SNX30: variants seen among roughly 807,000 people sequenced by gnomAD.
SNX30 encodes the protein sorting nexin-30.
A neutral mutation model predicts 46.4 loss-of-function variants in SNX30; 24 were observed. The observed-to-expected ratio is 0.52, with a 90% CI of 0.37 to 0.73. SNX30 has a LOEUF of 0.73. Among genes scored for constraint, SNX30 ranks in the 30% least tolerant of loss-of-function variants. The pLI is 0.00. For synonymous variants in SNX30, 189 were observed against 211.5 expected, an observed-to-expected ratio of 0.89 and a Z score of 0.92; for missense variants, 533 against 555.7, an observed-to-expected ratio of 0.96 and a Z score of 0.41.
chr9:112,808,297 A>G (rs1210208422), intron 2 of SNX30, among the ~76,000 whole-genome samples: 2 of 152,232 alleles, frequency 1.3e-5, no homozygotes, highest in Non-Finnish European at 2.9e-5. Context: ...CTCTAGTCCT[A>G]ATTCAGATTC....
chr9:112,855,903 A>G (rs911509548), intron 7 of SNX30, among the ~76,000 whole-genome samples: 2 of 152,120 alleles, frequency 1.3e-5, no homozygotes, highest in Non-Finnish European at 2.9e-5. Context: ...CTAACCCGCC[A>G]TGGAAGGTGG....
At position 112,750,965 on chromosome 9, in the gene SNX30, A is replaced by C; in HGVS notation, c.-37A>C. 9.9e-6 allele frequency: 12 copies of C among 1,209,830 alleles called. No homozygotes were observed. Among genetic ancestry groups the C allele is most frequent in the Non-Finnish European group, 1.2e-5 (12 of 974,984 alleles). The allele number at this position is 1,209,830 out of a possible 1,614,324, so 74.9% of individuals were successfully genotyped here. On this transcript the variant is annotated 5_prime_UTR_variant, in exon 1 of 9. Transcript: ENST00000374232. Reference sequence around the variant, plus strand: ...GGAGCTCGCCGCGGCGGGCAGCAGGAGGAAGCGGCGGCGGCGCGTCCCGAG... The same window carrying C: ...GGAGCTCGCCGCGGCGGGCAGCAGGCGGAAGCGGCGGCGGCGCGTCCCGAG...
At chr9:112,825,209 A>G (rs1328827292) in intron 3 of SNX30, among the ~76,000 whole-genome samples, 1 of 152,228 alleles carries the variant, frequency 6.6e-6, no homozygotes, top group Non-Finnish European at 1.5e-5. Flanking sequence ...TGCACTAGAA[A>G]TGTATGAGGG....
At chr9:112,811,120 A>G (rs1840312132) in intron 2 of SNX30, among the ~76,000 whole-genome samples, 2 of 152,206 alleles carry the variant, frequency 1.3e-5, no homozygotes, top group Non-Finnish European at 2.9e-5. Flanking sequence ...GAGGAACGAG[A>G]TAAGTGGAAG....
chr9:112,788,026 C>A (rs947639909), intron 1 of SNX30, among the ~76,000 whole-genome samples: 75 of 151,962 alleles, frequency 4.9e-4, no homozygotes, highest in Non-Finnish European at 1.3e-4. Flanking sequence ...GTCTTGAACT[C>A]CTGACCTCAG....
At chr9:112,878,087 T>G (rs2131532700), downstream of SNX30, 1 of 152,368 alleles carries the variant, frequency 6.6e-6, no homozygotes, top group East Asian at 1.9e-4. Flanking sequence ...TTCTTCAAGC[T>G]TGCTCACTCC....
At chr9:112,750,548 G>A (rs1023945869), upstream of SNX30, 3 of 152,270 alleles carry the variant, frequency 2.0e-5, no homozygotes, top group Admixed American at 1.3e-4. Flanking sequence ...CGGCCTCCGC[G>A]AGGCAACGTT....
At chr9:112,788,189 TG>T (rs1330994402) in intron 1 of SNX30, among the ~76,000 whole-genome samples, 1 of 151,922 alleles carries the variant, frequency 6.6e-6, no homozygotes, top group Non-Finnish European at 1.5e-5. Flanking sequence ...CTCACTTGAG[TG>T]TTTTTTTTTG....
Position 112,850,861 on chromosome 9 carries a change from T to G in SNX30, c.1017T>G (p.Ser339Arg). The G allele has an allele frequency of 6.2e-7, 1 of 1,612,226 alleles. No individual in the cohort carries two copies. Among genetic ancestry groups the G allele is most frequent in the Non-Finnish European group, 8.5e-7 (1 of 1,178,970 alleles). ...CTTCTCTCCTCTGCCTCCCACAGAG[T>G]GTATTGAAGAAGAGGGACCAAGTTC... is the stretch of plus-strand genomic sequence containing the variant. Reference protein sequence around the residue: ...EYILYSDSMKSVLKKRDQVQA... With the variant: ...EYILYSDSMKRVLKKRDQVQA... The change falls in exon 7 of 9, where the codon AGT becomes AGG. Residue 339 changes from serine (S) to arginine (R), a missense_variant and splice_region_variant. Transcript: ENST00000374232.
chr9:112,827,653 CT>C (rs1243117947), intron 3 of SNX30, among the ~76,000 whole-genome samples: 1 of 152,068 alleles, frequency 6.6e-6, no homozygotes, highest in Non-Finnish European at 1.5e-5. Context: ...TCCACTAATC[CT>C]TGTTGCTATG....
chr9:112,864,431 A>G (rs1419725043), intron 8 of SNX30, 32 bp downstream of exon 8: 1 of 1,613,174 alleles, frequency 6.2e-7, no homozygotes, highest in Non-Finnish European at 8.5e-7. Context: ...ACTGGTTTCT[A>G]ATGGCCAGAG....
intron 1 of SNX30, among the ~76,000 whole-genome samples, chr9:112,759,186 CCT>C (rs946754842): frequency 9.4e-4 from 143 of 152,158 alleles, no homozygotes; most frequent in African/African-American, 3.3e-3. Flanking sequence ...TTTTGTGACT[CCT>C]CTTTACAATA....
At chr9:112,884,180 G>A (rs1056057775), downstream of SNX30, among the ~76,000 whole-genome samples, 1 of 152,204 alleles carries the variant, frequency 6.6e-6, no homozygotes, top group Non-Finnish European at 1.5e-5. Context: ...TTTGGTACCA[G>A]GAAGAGGTGC....
chr9:112,791,121 G>A (rs370042594), intron 1 of SNX30, among the ~76,000 whole-genome samples: 2 of 152,080 alleles, frequency 1.3e-5, no homozygotes, highest in African/African-American at 4.8e-5. Flanking sequence ...TATATTCACA[G>A]GGTTGTGCAA....
chr9:112,808,088 G>C (rs761027254), intron 2 of SNX30, among the ~76,000 whole-genome samples: 6 of 152,160 alleles, frequency 3.9e-5, no homozygotes, highest in African/African-American at 7.2e-5. Context: ...GCATTCAGAG[G>C]CTTCTTTCTG....
intron 2 of SNX30, among the ~76,000 whole-genome samples, chr9:112,813,322 C>T (rs963438831): frequency 9.3e-5 from 14 of 150,080 alleles, no homozygotes; most frequent in Admixed American, 2.0e-4. Flanking sequence ...ACAAAAAAAC[C>T]ACCAAAAATC....
At chr9:112,849,943 C>G in intron 6 of SNX30, among the ~76,000 whole-genome samples, 1 of 152,214 alleles carries the variant, frequency 6.6e-6, no homozygotes, top group East Asian at 1.9e-4. Flanking sequence ...GAAAGAAACT[C>G]GTTGATGAAA....
downstream of SNX30, chr9:112,879,254 T>A (rs1240428605): frequency 6.5e-6 from 1 of 152,718 alleles, no homozygotes; most frequent in Admixed American, 6.5e-5. Context: ...TAAAAGACAT[T>A]GTTCGTGCAA....
At chr9:112,768,605 T>A (rs563607256) in intron 1 of SNX30, among the ~76,000 whole-genome samples, 4 of 92,796 alleles carry the variant, frequency 4.3e-5, no homozygotes, top group African/African-American at 1.5e-4. Context: ...CAGGGAGCAG[T>A]ATTTTTTTTT....
Sources: allele counts gnomAD v4.1 joint callset (sites outside exome capture counted in the v4.1 genomes callset), GRCh38; gene constraint gnomAD v4.1.1; transcripts MANE v1.5; gene names NCBI Gene and HGNC (gene_info 2026-07-23, HGNC 2026-07-21).